Variants in IMMP2L observed in about 807,000 individuals in gnomAD.
IMMP2L encodes inner mitochondrial membrane peptidase subunit 2.
Under a neutral mutation model 19.3 loss-of-function variants are expected in IMMP2L, and 18 were observed. The ratio of observed to expected loss-of-function variants is 0.93; its 90% CI spans 0.64 to 1.38. The LOEUF (loss-of-function observed/expected upper bound fraction) is 1.38. Ranked by LOEUF, IMMP2L falls within the 40% of genes most tolerant of loss-of-function variation. The pLI is 0.00. For synonymous variants in IMMP2L, 76 were observed against 73.0 expected, an observed-to-expected ratio of 1.04 and a Z score of -0.21; for missense variants, 233 against 218.2, an observed-to-expected ratio of 1.07 and a Z score of -0.43.
chr7:110,788,123 C>A (rs1800212343), intron 5 of IMMP2L, among the ~76,000 whole-genome samples: 1 of 151,822 alleles, frequency 6.6e-6, no homozygotes. Flanking sequence ...AAAATAACAC[C>A]CTCCTTTGAC....
intron 5 of IMMP2L, among the ~76,000 whole-genome samples, chr7:110,821,599 G>C (rs73194880): frequency 0.018 from 2,794 of 152,052 alleles, 35 homozygotes; most frequent in Non-Finnish European, 0.029. Flanking sequence ...AAGTCAAGCT[G>C]CTTTAAATCC....
rs79515994 is a variant in IMMP2L, at chr7:110,830,186, A to G, written c.408+56407T>C. 3.9e-4 allele frequency among the ~76,000 whole-genome samples: 59 copies of G among 152,290 alleles called. No homozygotes were observed. In the East Asian group the frequency reaches 0.011, roughly 29 times the overall value. On this transcript the variant is annotated intron_variant, in intron 5 of 5. Transcript: ENST00000405709. ...TTTGTAGTGTGCTTAGAAAGGAAAA[A>G]GGGACATTCTAATCTTGTGTAGAGA... is the stretch of plus-strand genomic sequence containing the variant.
intron 5 of IMMP2L, among the ~76,000 whole-genome samples, chr7:110,761,582 A>C (rs1798351624): frequency 6.6e-6 from 1 of 152,198 alleles, no homozygotes; most frequent in Non-Finnish European, 1.5e-5. Context: ...TTAAATTTTT[A>C]TGAAAATAAC....
intron 3 of IMMP2L, among the ~76,000 whole-genome samples, chr7:111,326,539 A>G (rs944260971): frequency 1.3e-5 from 2 of 151,826 alleles, no homozygotes; most frequent in African/African-American, 4.8e-5. Flanking sequence ...CCTACTTCTC[A>G]TAAACATTTC....
intron 3 of IMMP2L, among the ~76,000 whole-genome samples, chr7:110,999,968 GA>G (rs1823487339): frequency 6.6e-6 from 1 of 152,162 alleles, no homozygotes; most frequent in African/African-American, 2.4e-5. Flanking sequence ...GGCAGAGTAA[GA>G]AGAGCTCTAC....
intron 3 of IMMP2L, among the ~76,000 whole-genome samples, chr7:111,303,954 C>CT (rs1463488278): frequency 6.6e-6 from 1 of 152,014 alleles, no homozygotes; most frequent in Non-Finnish European, 1.5e-5. Context: ...ATTGAATACT[C>CT]TAACCATCAG....
chr7:111,514,869 C>T lies in IMMP2L; in HGVS notation c.135+6444G>A, dbSNP rs1020803736. On this transcript the variant is annotated intron_variant, in intron 2 of 5. Transcript: ENST00000405709. ...AGGATAAGGGTTTTTTTTAACATAA[C>T]AGCAGTAAATACCATTATCACCCCA... Among the ~76,000 whole-genome samples the T allele has an allele frequency of 2.0e-5, 3 of 152,062 alleles. 1 individual carries two copies. In the Middle Eastern group the frequency reaches 0.01, roughly 517 times the overall value.
chr7:111,274,150 T>G lies in IMMP2L; in HGVS notation c.239+213088A>C, dbSNP rs191377890. On this transcript the variant is annotated intron_variant, in intron 3 of 5. Coordinates refer to ENST00000405709, the MANE Select transcript of IMMP2L (RefSeq NM_032549.4). ...AATCAATGTAAATCCAAATAAAATA[T>G]AGTAGATAGTTCTAAAATGTAATTA... 2.0e-3 allele frequency among the ~76,000 whole-genome samples: 307 copies of G among 152,210 alleles called. 1 individual carries two copies. Among genetic ancestry groups the G allele is most frequent in the Non-Finnish European group, 3.8e-3 (256 of 68,002 alleles).
At chr7:111,182,770 T>G (rs1024925928) in intron 3 of IMMP2L, among the ~76,000 whole-genome samples, 4 of 151,952 alleles carry the variant, frequency 2.6e-5, no homozygotes, top group Non-Finnish European at 5.9e-5. Context: ...CCTACAGATA[T>G]ATGGCACAAT....
At chr7:111,222,678 C>A (rs1309104932) in intron 3 of IMMP2L, among the ~76,000 whole-genome samples, 1 of 151,748 alleles carries the variant, frequency 6.6e-6, no homozygotes. Context: ...ATGAGGTGAG[C>A]TGAAAATGAA....
At chr7:111,319,204 T>C (rs1296095502) in intron 3 of IMMP2L, among the ~76,000 whole-genome samples, 1 of 152,114 alleles carries the variant, frequency 6.6e-6, no homozygotes, top group Non-Finnish European at 1.5e-5. Flanking sequence ...GAGAGCATTC[T>C]TTTTTCACCC....
chr7:110,743,136 G>C (rs1344883445), intron 5 of IMMP2L, among the ~76,000 whole-genome samples: 1 of 152,146 alleles, frequency 6.6e-6, no homozygotes, highest in Non-Finnish European at 1.5e-5. Flanking sequence ...ATATATTAAT[G>C]TAGGTTCTCA....
chr7:110,968,015 C>T (rs1469017150), intron 3 of IMMP2L, among the ~76,000 whole-genome samples: 1 of 151,950 alleles, frequency 6.6e-6, no homozygotes, highest in Admixed American at 6.6e-5. Context: ...TTCTCTATTA[C>T]CCAAATTTTC....
chr7:110,778,445 C>T lies in IMMP2L; in HGVS notation c.408+108148G>A, dbSNP rs556212283. Among the ~76,000 whole-genome samples, 34 of 152,034 alleles carry T rather than the reference C, an allele frequency of 2.2e-4. No homozygotes were observed. The East Asian group carries it at 4.9e-3, about 22-fold the overall frequency. The stretch of plus-strand genomic sequence containing the variant: ...CTCTTATGATGCACGTATTCATCAT[C>T]GTTTACTTCTGTTGTAAGTTAGTGA... On this transcript the variant is annotated intron_variant, in intron 5 of 5. Coordinates refer to ENST00000405709, the MANE Select transcript of IMMP2L (RefSeq NM_032549.4).
chr7:111,347,099 G>C (rs908622309), intron 3 of IMMP2L, among the ~76,000 whole-genome samples: 2 of 152,120 alleles, frequency 1.3e-5, no homozygotes, highest in African/African-American at 2.4e-5. Context: ...CCAAGTCTCT[G>C]CTTAGGTGAA....
At chr7:110,999,098 C>A (rs1823352584) in intron 3 of IMMP2L, among the ~76,000 whole-genome samples, 1 of 152,092 alleles carries the variant, frequency 6.6e-6, no homozygotes, top group Non-Finnish European at 1.5e-5. Flanking sequence ...GTGTCCTGTG[C>A]TGCCCCCATG....
intron 4 of IMMP2L, among the ~76,000 whole-genome samples, chr7:110,890,966 CA>C (rs1810729740): frequency 6.6e-6 from 1 of 151,894 alleles, no homozygotes. Context: ...AAGTATTTCC[CA>C]AATACATATA....
chr7:110,667,208 T>G (rs374545134), intron 5 of IMMP2L, among the ~76,000 whole-genome samples: 1 of 152,244 alleles, frequency 6.6e-6, no homozygotes, highest in Non-Finnish European at 1.5e-5. Flanking sequence ...TATAGTTATG[T>G]TACCATTTGA....
At chr7:110,925,867 T>C (rs949309354) in intron 4 of IMMP2L, among the ~76,000 whole-genome samples, 25 of 152,118 alleles carry the variant, frequency 1.6e-4, no homozygotes, top group Non-Finnish European at 2.9e-5. Flanking sequence ...TCAACAAAAT[T>C]ATTTACTACC....
Sources: gnomAD v4.1 joint callset for allele counts (sites outside exome capture counted in the v4.1 genomes callset) on GRCh38, gnomAD v4.1.1 for gene constraint, MANE v1.5 for transcripts, NCBI Gene and HGNC (gene_info 2026-07-23, HGNC 2026-07-21) for gene names.